RYR3: variants seen among roughly 807,000 people sequenced by gnomAD.
RYR3 encodes the protein brain ryanodine receptor-calcium release channel.
RYR3 carries 207 observed loss-of-function variants against 584.3 expected under a neutral mutation model. The observed-to-expected ratio is 0.35, with a 90% CI of 0.32 to 0.40. The LOEUF is 0.40. RYR3 is among the 10% of genes least tolerant of loss of function. The probability of loss-of-function intolerance (pLI) is 1.00; values close to 1 mark genes in which losing one functional copy is unlikely to be tolerated. For missense variants in RYR3, 5,616 were observed against 6,089.2 expected (o/e 0.92, Z 2.59); for synonymous variants, 2,416 against 2,248.5 (o/e 1.07, Z -2.11).
intron 1 of RYR3, among the ~76,000 whole-genome samples, chr15:33,367,288 A>C (rs1975646148): frequency 6.6e-6 from 1 of 152,182 alleles, no homozygotes; most frequent in Non-Finnish European, 1.5e-5. Context: ...TAGTGACCTC[A>C]ATCTTTATTT....
intron 24 of RYR3, among the ~76,000 whole-genome samples, chr15:33,633,905 A>G (rs1482738102): frequency 2.0e-5 from 3 of 152,200 alleles, no homozygotes; most frequent in South Asian, 2.1e-4. Flanking sequence ...TGAGGAGGCT[A>G]TAGCAACTTA....
intron 4 of RYR3, among the ~76,000 whole-genome samples, chr15:33,531,334 A>C (rs1275594481): frequency 1.3e-5 from 2 of 152,014 alleles, no homozygotes; most frequent in African/African-American, 4.8e-5. Context: ...AATTTATAAA[A>C]AAATATAATT....
chr15:33,729,462 T>C (rs1323882808), intron 47 of RYR3, among the ~76,000 whole-genome samples: 1 of 152,156 alleles, frequency 6.6e-6, no homozygotes, highest in African/African-American at 2.4e-5. Flanking sequence ...TGAAAAAGGC[T>C]GGCTGGCAAC....
At chr15:33,407,257 T>C (rs921007666) in intron 1 of RYR3, among the ~76,000 whole-genome samples, 2 of 152,196 alleles carry the variant, frequency 1.3e-5, no homozygotes, top group African/African-American at 2.4e-5. Flanking sequence ...AACATGAATT[T>C]GGAGAGGACA....
chr15:33,682,294 C>T (rs1201014163), intron 38 of RYR3, among the ~76,000 whole-genome samples: 1 of 152,030 alleles, frequency 6.6e-6, no homozygotes, highest in African/African-American at 2.4e-5. Context: ...ATTTAAAGAC[C>T]CTCTAACTCT....
chr15:33,652,304 T>C (rs971571023), intron 31 of RYR3, among the ~76,000 whole-genome samples: 7 of 152,194 alleles, frequency 4.6e-5, no homozygotes, highest in East Asian at 1.9e-4. Context: ...ACTGGGACTC[T>C]GAACCCAGAC....
At chr15:33,400,276 C>T (rs1018050271) in intron 1 of RYR3, among the ~76,000 whole-genome samples, 19 of 152,160 alleles carry the variant, frequency 1.2e-4, no homozygotes, top group African/African-American at 4.6e-4. Flanking sequence ...TTACTGATAG[C>T]ACACCTTTTC....
chr15:33,582,620 G>C lies in RYR3; in HGVS notation c.1573+977G>C, dbSNP rs140009690. 2.0e-5 allele frequency among the ~76,000 whole-genome samples: 3 copies of C among 152,218 alleles called. No homozygotes were observed. The East Asian group carries it at 5.8e-4, about 29-fold the overall frequency. ...TTAAGGGTCAGTTATTATTATTACT[G>C]TCATTTCACTGATGATGAAACTGAC... On this transcript the variant is annotated intron_variant, in intron 14 of 103. Coordinates refer to ENST00000634891, the MANE Select transcript of RYR3 (RefSeq NM_001036.6).
chr15:33,864,280 T>A (rs991776072), intron 103 of RYR3, 91 bp downstream of exon 103: 48 of 981,766 alleles, frequency 4.9e-5, no homozygotes, highest in Non-Finnish European at 6.9e-5. Context: ...AATACATACA[T>A]GGCCCCATTA....
rs2055509242 is a variant in RYR3 at position 33,538,309 on chromosome 15, C to T, written c.434-1041C>T. On this transcript the variant is annotated intron_variant, in intron 5 of 103. Coordinates refer to ENST00000634891, the MANE Select transcript of RYR3 (RefSeq NM_001036.6). ...TAAGCCTCACTTTTAGGTCATCTGG[C>T]AGAGACCTGAGCATTTCACTGGTGA... Among the ~76,000 whole-genome samples, 7 of 152,098 alleles carry T rather than the reference C, an allele frequency of 4.6e-5. No individual in the cohort carries two copies. The South Asian group carries it at 1.4e-3, about 32-fold the overall frequency.
At chr15:33,512,419 C>T (rs1353951166) in intron 3 of RYR3, among the ~76,000 whole-genome samples, 1 of 152,162 alleles carries the variant, frequency 6.6e-6, no homozygotes, top group Non-Finnish European at 1.5e-5. Context: ...AGTTAGAAGC[C>T]TTTTCAAGTG....
intron 14 of RYR3, among the ~76,000 whole-genome samples, chr15:33,583,467 C>T (rs4780129): frequency 0.29 from 44,453 of 152,020 alleles, 6,679 homozygotes; most frequent in Non-Finnish European, 0.32. Context: ...ATTTCATTAC[C>T]TTATGCATTT....
chr15:33,629,919 C>T, intron 21 of RYR3, 21 bp from the exon 22 acceptor site: 2 of 1,428,780 alleles, frequency 1.4e-6, no homozygotes, highest in Non-Finnish European at 1.9e-6. Flanking sequence ...AAATCACATT[C>T]TTTCTTATGT....
At chr15:33,687,553 GA>G (rs1382693558) in intron 38 of RYR3, among the ~76,000 whole-genome samples, 3 of 152,122 alleles carry the variant, frequency 2.0e-5, no homozygotes, top group Non-Finnish European at 2.9e-5. Flanking sequence ...CACAGAATTG[GA>G]AAAAACTACT....
chr15:33,812,442 A>G (rs2076602039), intron 72 of RYR3, among the ~76,000 whole-genome samples: 1 of 152,198 alleles, frequency 6.6e-6, no homozygotes, highest in South Asian at 2.1e-4. Flanking sequence ...TAAAGCAATA[A>G]TTGGATGTTA....
intron 2 of RYR3, among the ~76,000 whole-genome samples, chr15:33,478,713 T>A (rs1176932754): frequency 6.6e-6 from 1 of 152,236 alleles, no homozygotes; most frequent in East Asian, 1.9e-4. Flanking sequence ...ATTATTTAAC[T>A]ACTATGGCCT....
At chr15:33,363,588 AT>A (rs1304783207) in intron 1 of RYR3, among the ~76,000 whole-genome samples, 1 of 152,218 alleles carries the variant, frequency 6.6e-6, no homozygotes, top group Non-Finnish European at 1.5e-5. Flanking sequence ...TTTTTCAAAT[AT>A]ATGTAGATGC....
At chr15:33,807,822 C>T in intron 70 of RYR3, 1 of 539,920 alleles carries the variant, frequency 1.9e-6, no homozygotes. Context: ...ATCTCTGCTC[C>T]CTTCTCCAGC....
chr15:33,316,449 A>C (rs1245638038), intron 1 of RYR3, among the ~76,000 whole-genome samples: 1 of 152,192 alleles, frequency 6.6e-6, no homozygotes, highest in Non-Finnish European at 1.5e-5. Flanking sequence ...TTAATTTCCC[A>C]CAAGTTCATA....
Sources: gnomAD v4.1 joint callset for allele counts (sites outside exome capture counted in the v4.1 genomes callset) on GRCh38, gnomAD v4.1.1 for gene constraint, MANE v1.5 for transcripts, NCBI Gene and HGNC (gene_info 2026-07-23, HGNC 2026-07-21) for gene names.